Variants in RAB40A observed in about 807,000 individuals in gnomAD.
RAB40A encodes ras-related protein Rab-40A.
For synonymous variants in RAB40A, 65 were observed against 99.9 expected, an observed-to-expected ratio of 0.65 and a Z score of 2.08; for missense variants, 145 against 230.2, an observed-to-expected ratio of 0.63 and a Z score of 2.40.
At chrX:103,509,772 GT>G (rs1333166748) in intron 2 of RAB40A, among the ~76,000 whole-genome samples, 5 of 102,781 alleles carry the variant, frequency 4.9e-5, no homozygotes, top group African/African-American at 1.8e-4. Flanking sequence ...ATCATGAGCA[GT>G]TTTTTTTGTA....
intron 2 of RAB40A, among the ~76,000 whole-genome samples, chrX:103,504,641 C>T (rs976515888): frequency 1.8e-5 from 2 of 111,531 alleles, no homozygotes; most frequent in African/African-American, 6.5e-5. Context: ...CGTGCCTCAG[C>T]GTACTGAGTA....
Position 103,500,462 on chromosome X carries a change from G to T in RAB40A, c.295C>A (p.Arg99Ser), listed in dbSNP as rs751600194. The T allele has an allele frequency of 8.3e-7, 1 of 1,210,645 alleles. No homozygotes were observed. Among genetic ancestry groups the T allele is most frequent in the Non-Finnish European group, 1.1e-6 (1 of 894,885 alleles). Residue 99 changes from arginine (R) to serine (S), a missense_variant, in exon 3 of 3, where the codon CGC becomes AGC. By Grantham distance (110) the Arg-to-Ser change is moderately radical. Transcript: ENST00000304236. ...CGATCCATACCCTCGAAAGACCAGCGGTTTGCAATGTCGTAGACCAGGATC... is the reference window on the plus strand; with the variant it reads ...CGATCCATACCCTCGAAAGACCAGCTGTTTGCAATGTCGTAGACCAGGATC... Reference protein sequence around the residue: ...GVILVYDIANRWSFEGMDRWI... With the variant: ...GVILVYDIANSWSFEGMDRWI...
At chrX:103,506,379 T>C (rs2073254818) in intron 2 of RAB40A, among the ~76,000 whole-genome samples, 2 of 111,804 alleles carry the variant, frequency 1.8e-5, no homozygotes, top group South Asian at 3.7e-4. Context: ...GTTTAAACTT[T>C]GTCTTTTTTC....
chrX:103,503,405 C>A, intron 2 of RAB40A: 3 of 753,463 alleles, frequency 4.0e-6, no homozygotes, highest in Non-Finnish European at 3.1e-6. Flanking sequence ...CTGTGAGGGA[C>A]CTCTCCACAG....
intron 2 of RAB40A, among the ~76,000 whole-genome samples, chrX:103,506,443 T>C (rs1055752159): frequency 8.9e-6 from 1 of 112,179 alleles, no homozygotes; most frequent in Non-Finnish European, 1.9e-5. Context: ...ATTTAAGTCC[T>C]TGGGGAATAA....
chrX:103,501,096 C>T (rs376617495), intron 2 of RAB40A: 6 of 260,769 alleles, frequency 2.3e-5, no homozygotes, highest in Non-Finnish European at 4.2e-5. Flanking sequence ...AAAGGAAGGA[C>T]GGGTATGGGA....
At chrX:103,505,905 C>T (rs960139266) in intron 2 of RAB40A, among the ~76,000 whole-genome samples, 1 of 111,906 alleles carries the variant, frequency 8.9e-6, no homozygotes, top group Non-Finnish European at 1.9e-5. Context: ...GACTGACAAT[C>T]TACCTGAAAT....
At position 103,499,403 on chromosome X, in the gene RAB40A, C is replaced by G. The variant is rs2073208308; in HGVS notation, c.*520G>C. 1 of 126,835 alleles carries G rather than the reference C, an allele frequency of 7.9e-6. No individual in the cohort carries two copies. Among genetic ancestry groups the G allele is most frequent in the African/African-American group, 3.2e-5 (1 of 30,907 alleles). The allele number at this position is 126,835 out of a possible 1,213,427, so 10.5% of individuals were successfully genotyped here. ...TTATCAAATCCATTTCATGCACAAG[C>G]TGGACAGATCTGTTATATACAATCT... On this transcript the variant is annotated 3_prime_UTR_variant, in exon 3 of 3. Coordinates refer to ENST00000304236, the MANE Select transcript of RAB40A (RefSeq NM_080879.3).
At position 103,500,634 on chromosome X, in the gene RAB40A, G is replaced by A. The variant is rs1398852246; in HGVS notation, c.123C>T (p.Ser41=). 2 of 1,210,811 alleles carry A rather than the reference G, an allele frequency of 1.7e-6. No individual in the cohort carries two copies. The highest frequency in any genetic ancestry group is 2.2e-6 in the Non-Finnish European group (2 of 895,228). The change falls in exon 3 of 3, where the codon TCC becomes TCT. Residue 41 remains serine, a synonymous_variant. Coordinates refer to ENST00000304236, the MANE Select transcript of RAB40A (RefSeq NM_080879.3). ...CGATCCCCCCGAGATGGCTGTACGG[G>A]GACTCAGCTGCACCATCCTGCAGGC... ...LESLQDGAAE[S]PYSHLGGIDY...
intron 2 of RAB40A, among the ~76,000 whole-genome samples, chrX:103,515,880 C>A (rs2073314323): frequency 8.9e-6 from 1 of 112,099 alleles, no homozygotes; most frequent in South Asian, 3.7e-4. Flanking sequence ...AATGACACAC[C>A]AAATACCGTG....
intron 2 of RAB40A, among the ~76,000 whole-genome samples, chrX:103,513,110 G>A (rs111385536): frequency 9.8e-5 from 11 of 112,064 alleles, no homozygotes; most frequent in African/African-American, 3.6e-4. Context: ...GGAAGGGCAA[G>A]CACGTCTCTC....
At chrX:103,517,777 A>T (rs2073323614) in intron 1 of RAB40A, among the ~76,000 whole-genome samples, 1 of 111,956 alleles carries the variant, frequency 8.9e-6, no homozygotes, top group South Asian at 3.7e-4. Context: ...AGAAGACTGG[A>T]AATAAGACAG....
chrX:103,499,690 TTTA>T lies in RAB40A; in HGVS notation c.*230_*232del, dbSNP rs2073210450. The T allele has an allele frequency of 2.2e-6, 1 of 456,920 alleles. No individual in the cohort carries two copies. The highest frequency in any genetic ancestry group is 4.0e-5 in the Admixed American group (1 of 24,817). 37.7% of individuals were successfully genotyped at this position (456,920 alleles called of 1,213,427 possible). On this transcript the variant is annotated 3_prime_UTR_variant, in exon 3 of 3. Coordinates refer to ENST00000304236, the MANE Select transcript of RAB40A (RefSeq NM_080879.3). ...AGTTGAGCAAAGTACTAATTTCCCC[TTTA>T]TAAACACACGTTTAAAACAAGAGCT...
In RAB40A at chrX:103,499,932, T is replaced by G; in HGVS notation, c.825A>C (p.Lys275Asn). Residue 275 changes from lysine to asparagine, a missense_variant, in exon 3 of 3, where the codon AAA becomes AAC. Transcript: ENST00000304236. ...CCTTTTGGTGCCTTCCTTAAGAAAT[T>G]TTGCAGCTGTTTCTGGTGCAGTTTT... ...PPKNCTRNSC[K>N]IS 8.3e-7 allele frequency: 1 copy of G among 1,211,330 alleles called. No homozygotes were observed. Among genetic ancestry groups the G allele is most frequent in the Non-Finnish European group, 1.1e-6 (1 of 895,073 alleles).
At chrX:103,503,344 G>A in intron 2 of RAB40A, 2 of 753,237 alleles carry the variant, frequency 2.7e-6, no homozygotes, top group Non-Finnish European at 3.1e-6. Context: ...GGGAATGGGA[G>A]GAGGTCTGGG....
At chrX:103,512,867 C>T (rs1186114386) in intron 2 of RAB40A, among the ~76,000 whole-genome samples, 1 of 111,572 alleles carries the variant, frequency 9.0e-6, no homozygotes. Flanking sequence ...ATTTTATTCC[C>T]TTCAGGCATT....
intron 2 of RAB40A, among the ~76,000 whole-genome samples, chrX:103,506,072 C>A (rs753960396): frequency 2.5e-4 from 28 of 111,860 alleles, no homozygotes; most frequent in Non-Finnish European, 4.7e-4. Context: ...TTGTTTCTAT[C>A]CTTACACCAA....
intron 2 of RAB40A, among the ~76,000 whole-genome samples, chrX:103,506,944 A>G (rs1339338382): frequency 8.9e-6 from 1 of 111,973 alleles, no homozygotes; most frequent in Admixed American, 9.4e-5. Flanking sequence ...AAAATGGGAT[A>G]CATGTGCAGA....
intron 2 of RAB40A, chrX:103,501,176 GT>G (rs1489525343): frequency 1.8e-3 from 236 of 133,907 alleles, no homozygotes; most frequent in African/African-American, 7.2e-3. Flanking sequence ...AAAATATTTT[GT>G]TCTTTTGCTT....
Sources: allele counts gnomAD v4.1 joint callset (sites outside exome capture counted in the v4.1 genomes callset), GRCh38; gene constraint gnomAD v4.1.1; transcripts MANE v1.5; gene names NCBI Gene and HGNC (gene_info 2026-07-23, HGNC 2026-07-21).